Variants in TENM2 observed in about 807,000 individuals in gnomAD.
TENM2 encodes teneurin transmembrane protein 2, also known as teneurin-2.
In TENM2, 52 loss-of-function variants were observed where a neutral mutation model predicts 245.2. That is an observed-to-expected ratio of 0.21 (90% CI 0.17 to 0.27). The LOEUF is 0.27. Among genes scored for constraint, TENM2 ranks in the 10% least tolerant of loss-of-function variants. The probability of loss-of-function intolerance (pLI) is 1.00; values close to 1 mark genes in which losing one functional copy is unlikely to be tolerated. For synonymous variants in TENM2, 1,363 were observed against 1,438.9 expected, an observed-to-expected ratio of 0.95 and a Z score of 1.19; for missense variants, 3,046 against 3,666.8, an observed-to-expected ratio of 0.83 and a Z score of 4.37.
At chr5:167,352,341 C>T (rs755628811) in intron 1 of TENM2, among the ~76,000 whole-genome samples, 33 of 152,120 alleles carry the variant, frequency 2.2e-4, no homozygotes, top group Non-Finnish European at 5.9e-5. Flanking sequence ...TTTGAATTTG[C>T]AAAATGTGAT....
At chr5:167,024,546 T>C in the TENM2 span, among the ~76,000 whole-genome samples, 1 of 152,140 alleles carries the variant, frequency 6.6e-6, no homozygotes. Flanking sequence ...GGCTATTTTA[T>C]ATTGGGGAAT....
chr5:167,866,051 C>G (rs1233989638), intron 2 of TENM2, among the ~76,000 whole-genome samples: 2 of 152,192 alleles, frequency 1.3e-5, no homozygotes, highest in Non-Finnish European at 2.9e-5. Context: ...TCTCAAGAAT[C>G]AGCCAGACAT....
intron 2 of TENM2, among the ~76,000 whole-genome samples, chr5:167,662,161 T>A (rs575316535): frequency 6.6e-6 from 1 of 152,218 alleles, no homozygotes; most frequent in East Asian, 1.9e-4. Flanking sequence ...CAGGTGCCCA[T>A]TGTATTTATT....
intron 5 of TENM2, among the ~76,000 whole-genome samples, chr5:168,030,169 T>TTTTTTTTTTTTTTTTC (rs1787003396): frequency 1.1e-5 from 1 of 92,942 alleles, no homozygotes; most frequent in African/African-American, 3.6e-5. Flanking sequence ...TTTTTTTTTT[T>TTTTTTTTTTTTTTTTC]TTTTTTTTTT....
At chr5:168,250,556 A>C (rs575401929) in intron 27 of TENM2, among the ~76,000 whole-genome samples, 2 of 152,200 alleles carry the variant, frequency 1.3e-5, no homozygotes, top group African/African-American at 4.8e-5. Flanking sequence ...CTGCCATCTA[A>C]GCCCCATGCT....
chr5:168,189,279 A>G (rs1760741158), intron 13 of TENM2, among the ~76,000 whole-genome samples: 1 of 152,240 alleles, frequency 6.6e-6, no homozygotes, highest in African/African-American at 2.4e-5. Context: ...GGCCAGGGGC[A>G]TCATCCAGAA....
At chr5:167,200,075 G>A in the TENM2 span, among the ~76,000 whole-genome samples, 3 of 152,048 alleles carry the variant, frequency 2.0e-5, no homozygotes, top group African/African-American at 7.2e-5. Flanking sequence ...CTTCGGATGA[G>A]GATGAGCCAG....
chr5:167,472,398 A>G (rs2127513724), intron 2 of TENM2, among the ~76,000 whole-genome samples: 1 of 152,294 alleles, frequency 6.6e-6, no homozygotes, highest in South Asian at 2.1e-4. Context: ...TCTAGCCGCA[A>G]TAGTTTAATT....
chr5:168,090,679 G>T, exon 8 of TENM2: 1 of 1,613,920 alleles, frequency 6.2e-7, no homozygotes, highest in South Asian at 1.1e-5. Flanking sequence ...AGCCGTGTTT[G>T]TGCAGTACCT....
At chr5:167,851,572 C>G (rs1329829931) in intron 2 of TENM2, among the ~76,000 whole-genome samples, 1 of 152,076 alleles carries the variant, frequency 6.6e-6, no homozygotes, top group Non-Finnish European at 1.5e-5. Context: ...TGTAGCAATA[C>G]CAGAGCCCGA....
At chr5:167,693,470 A>G (rs1219140981) in intron 2 of TENM2, among the ~76,000 whole-genome samples, 2 of 152,096 alleles carry the variant, frequency 1.3e-5, no homozygotes, top group African/African-American at 4.8e-5. Context: ...GTTGAACTTG[A>G]TTCAATTTTA....
At chr5:167,551,423 C>G (rs574420254) in intron 2 of TENM2, among the ~76,000 whole-genome samples, 1 of 152,294 alleles carries the variant, frequency 6.6e-6, no homozygotes, top group Non-Finnish European at 1.5e-5. Flanking sequence ...GCTCATCTAT[C>G]TATCTATCCA....
At chr5:167,550,986 C>T (rs189050746) in intron 2 of TENM2, among the ~76,000 whole-genome samples, 1 of 152,222 alleles carries the variant, frequency 6.6e-6, no homozygotes, top group Non-Finnish European at 1.5e-5. Flanking sequence ...GCCTTGGCCT[C>T]CCAAAGTGCT....
At chr5:167,076,119 A>G in the TENM2 span, among the ~76,000 whole-genome samples, 8 of 152,174 alleles carry the variant, frequency 5.3e-5, no homozygotes, top group African/African-American at 1.9e-4. Context: ...TACCTTAAAC[A>G]TAACATACAA....
intron 1 of TENM2, among the ~76,000 whole-genome samples, chr5:167,367,733 A>G (rs1365241599): frequency 6.6e-6 from 1 of 152,128 alleles, no homozygotes; most frequent in African/African-American, 2.4e-5. Context: ...CAATTGGCCA[A>G]CATTTAAATA....
chr5:168,163,138 G>A (rs895409452), intron 13 of TENM2, among the ~76,000 whole-genome samples: 3 of 152,190 alleles, frequency 2.0e-5, no homozygotes, highest in Admixed American at 1.3e-4. Flanking sequence ...AATGCCTGCT[G>A]CCTTCATCCT....
intron 10 of TENM2, among the ~76,000 whole-genome samples, chr5:168,119,507 C>A (rs1246611681): frequency 6.6e-6 from 1 of 152,244 alleles, no homozygotes; most frequent in Non-Finnish European, 1.5e-5. Context: ...TGCTGCCTGT[C>A]AGCCTTCCTG....
the TENM2 span, among the ~76,000 whole-genome samples, chr5:167,045,004 A>G: frequency 6.6e-6 from 1 of 151,384 alleles, no homozygotes; most frequent in East Asian, 2.0e-4. Context: ...TCAGAAGCTG[A>G]TGGGGAAGAG....
chr5:167,765,792 AT>A (rs1377169373), intron 2 of TENM2, among the ~76,000 whole-genome samples: 1 of 152,186 alleles, frequency 6.6e-6, no homozygotes, highest in Non-Finnish European at 1.5e-5. Flanking sequence ...CACCGGACAC[AT>A]TCTTTCTAAC....
Sources: gnomAD v4.1 joint callset for allele counts (sites outside exome capture counted in the v4.1 genomes callset) on GRCh38, gnomAD v4.1.1 for gene constraint, MANE v1.5 for transcripts, NCBI Gene and HGNC (gene_info 2026-07-23, HGNC 2026-07-21) for gene names.